TKT: variants seen among roughly 807,000 people sequenced by gnomAD.
The protein encoded by TKT is transketolase.
Under a neutral mutation model 63.9 loss-of-function variants are expected in TKT, and 47 were observed. That is an observed-to-expected ratio of 0.74 (90% CI 0.58 to 0.94). The LOEUF is 0.94. Ranked by LOEUF, TKT falls within the 40% of genes least tolerant of loss-of-function variation. TKT has a pLI of 0.00. For missense variants in TKT, 721 were observed against 846.2 expected (o/e 0.85, Z 1.84); for synonymous variants, 338 against 334.1 (o/e 1.01, Z -0.13).
At chr3:53,234,807 G>A (rs1553678095) in intron 5 of TKT, 176 bp downstream of exon 5, 3 of 588,996 alleles carry the variant, frequency 5.1e-6, no homozygotes, top group African/African-American at 3.8e-5. Context: ...CACATATCCT[G>A]AGCCATTAAG....
At chr3:53,229,225 C>T in intron 9 of TKT, 55 bp downstream of exon 9, 1 of 1,613,118 alleles carries the variant, frequency 6.2e-7, no homozygotes, top group Non-Finnish European at 8.5e-7. Flanking sequence ...CCTCCCATAC[C>T]TCCTGGTGCA....
At chr3:53,236,752 C>T (rs1046703670) in intron 4 of TKT, among the ~76,000 whole-genome samples, 11 of 152,160 alleles carry the variant, frequency 7.2e-5, no homozygotes, top group African/African-American at 1.7e-4. Flanking sequence ...GCTTTGGCTT[C>T]GAGACTAGGG....
At chr3:53,239,843 G>A (rs1272882658) in intron 4 of TKT, among the ~76,000 whole-genome samples, 2 of 152,230 alleles carry the variant, frequency 1.3e-5, no homozygotes, top group Non-Finnish European at 2.9e-5. Flanking sequence ...AGTGGCTCAG[G>A]CCTGGGCTCC....
chr3:53,248,946 G>A (rs1705634173), intron 1 of TKT, among the ~76,000 whole-genome samples: 1 of 152,042 alleles, frequency 6.6e-6, no homozygotes, highest in Non-Finnish European at 1.5e-5. Flanking sequence ...TAATCAAGCT[G>A]CTAGAAATTT....
chr3:53,242,101 G>A, intron 2 of TKT, 24 bp downstream of exon 2: 1 of 1,606,212 alleles, frequency 6.2e-7, no homozygotes, highest in Non-Finnish European at 8.5e-7. Flanking sequence ...AGGTGTGGCT[G>A]GCAGTGGGCA....
chr3:53,228,060 CT>C lies in TKT; in HGVS notation c.1568del (p.Lys523ArgfsTer54). The C allele has an allele frequency of 6.2e-7, 1 of 1,612,556 alleles. No homozygotes were observed. Among genetic ancestry groups the C allele is most frequent in the South Asian group, 1.1e-5 (1 of 90,998 alleles). On this transcript the variant is annotated frameshift_variant, in exon 12 of 14. Transcript: ENST00000462138. LOFTEE classifies it high-confidence loss of function. ...HEALAAAELLKKEKINIRVLD... is the reference protein window; with the variant it reads ...HEALAAAELLXKEKINIRVLD... ...TTGGAGGCCCCTTCTCCTCACCTTT[CT>C]TCAGCAGTTCGGCAGCGGCCAAGGC...
chr3:53,242,876 A>C (rs1705345094), intron 1 of TKT, among the ~76,000 whole-genome samples: 1 of 152,154 alleles, frequency 6.6e-6, no homozygotes, highest in African/African-American at 2.4e-5. Flanking sequence ...TGGTAGCCTG[A>C]AAAACTGGGC....
chr3:53,253,301 T>C (rs1705837024), intron 1 of TKT, among the ~76,000 whole-genome samples: 1 of 149,480 alleles, frequency 6.7e-6, no homozygotes, highest in Non-Finnish European at 1.5e-5. Context: ...TTTCTTTCTT[T>C]CTCTCTCTCT....
intron 1 of TKT, among the ~76,000 whole-genome samples, chr3:53,255,467 T>C (rs1312669463): frequency 6.6e-6 from 1 of 151,974 alleles, no homozygotes; most frequent in Non-Finnish European, 1.5e-5. Context: ...CCGCGTTCTG[T>C]AGAACAGCAG....
At position 53,255,966 on chromosome 3, in the gene TKT, G is replaced by T; in HGVS notation, c.-24C>A. 1 of 1,481,944 alleles carries T rather than the reference G, an allele frequency of 6.7e-7. No individual in the cohort carries two copies. The highest frequency in any genetic ancestry group is 9.1e-7 in the Non-Finnish European group (1 of 1,104,214). The allele number at this position is 1,481,944 out of a possible 1,614,324, so 91.8% of individuals were successfully genotyped here. ...ATGGTGCGGCAGGCGGGGACCGGGC[G>T]CACACGCGGACACACAGAGATAGCG... On this transcript the variant is annotated 5_prime_UTR_variant, in exon 1 of 14. Transcript: ENST00000462138.
intron 10 of TKT, 161 bp downstream of exon 10, chr3:53,228,846 A>C: frequency 1.0e-6 from 1 of 1,001,152 alleles, no homozygotes; most frequent in Non-Finnish European, 1.5e-6. Flanking sequence ...TGGGGTGTGT[A>C]TTTCGTTTTT....
intron 5 of TKT, chr3:53,234,656 T>A (rs1704928171): frequency 4.6e-6 from 1 of 215,894 alleles, no homozygotes; most frequent in African/African-American, 2.3e-5. Flanking sequence ...CCTTTAGCTT[T>A]ACCGAGCAAG....
intron 5 of TKT, chr3:53,234,305 A>C (rs1223124953): frequency 2.6e-5 from 4 of 152,362 alleles, no homozygotes; most frequent in African/African-American, 9.7e-5. Context: ...GCAGTCCTGG[A>C]GGCCTGACCT....
Position 53,233,191 on chromosome 3 carries a change from A to G in TKT, c.713T>C (p.Ile238Thr). 6.2e-7 allele frequency: 1 copy of G among 1,613,984 alleles called. No homozygotes were observed. The highest frequency in any genetic ancestry group is 8.5e-7 in the Non-Finnish European group (1 of 1,179,946). ...TCGGCCCTTGAAGGTCTTGGCAATG[A>G]TGGCTGTTGGCTGGTGCTTGGCCTG... ...FGQAKHQPTAIIAKTFKGRGI... is the reference protein window; with the variant it reads ...FGQAKHQPTATIAKTFKGRGI... The change falls in exon 6 of 14, where the codon ATC becomes ACC. Residue 238 changes from isoleucine (I) to threonine (T), a missense_variant. Coordinates refer to ENST00000462138, the MANE Select transcript of TKT (RefSeq NM_001064.4).
chr3:53,232,132 AG>A, intron 6 of TKT: 2 of 387,446 alleles, frequency 5.2e-6, no homozygotes, highest in Non-Finnish European at 9.1e-6. Flanking sequence ...AGGTCACCTC[AG>A]TAGTCACTAG....
rs782326333 is a variant in TKT, at chr3:53,228,265, G to A, written c.1479+11C>T. Reference sequence around the variant, plus strand: ...AGCTCTGTGGGCTCCTGGGGCATGCGAGGCACTGACCTTGGCTTGTCCGAC... The same window carrying A: ...AGCTCTGTGGGCTCCTGGGGCATGCAAGGCACTGACCTTGGCTTGTCCGAC... On this transcript the variant is annotated intron_variant, in intron 11 of 13. Coordinates refer to ENST00000462138, the MANE Select transcript of TKT (RefSeq NM_001064.4). 6.2e-6 allele frequency: 10 copies of A among 1,614,162 alleles called. No individual in the cohort carries two copies. Among genetic ancestry groups the A allele is most frequent in the Admixed American group, 1.7e-5 (1 of 60,028 alleles).
At chr3:53,234,721 T>C (rs888821970) in intron 5 of TKT, 11 of 366,884 alleles carry the variant, frequency 3.0e-5, no homozygotes, top group Admixed American at 1.4e-4. Flanking sequence ...TGACGTGAGA[T>C]GGTGTGTGGA....
intron 2 of TKT, 55 bp downstream of exon 2, chr3:53,242,070 G>C (rs576283634): frequency 1.3e-6 from 2 of 1,533,134 alleles, no homozygotes; most frequent in Admixed American, 3.3e-5. Context: ...TCCAGGGCCC[G>C]TGTGACCCTA....
chr3:53,245,132 C>A (rs1553680675), intron 1 of TKT, among the ~76,000 whole-genome samples: 3 of 151,430 alleles, frequency 2.0e-5, no homozygotes. Flanking sequence ...GGTAAAACCC[C>A]ATCTCTACTA....
Sources: allele counts gnomAD v4.1 joint callset (sites outside exome capture counted in the v4.1 genomes callset), GRCh38; gene constraint gnomAD v4.1.1; transcripts MANE v1.5; gene names NCBI Gene and HGNC (gene_info 2026-07-23, HGNC 2026-07-21).